SRGAP3: variants seen among roughly 807,000 people sequenced by gnomAD.
The protein encoded by SRGAP3 is SLIT-ROBO Rho GTPase activating protein 3, also known as SLIT-ROBO Rho GTPase-activating protein 3.
SRGAP3 carries 39 observed loss-of-function variants against 121.1 expected under a neutral mutation model. The ratio of observed to expected loss-of-function variants is 0.32; its 90% CI spans 0.25 to 0.42. The LOEUF is 0.42. SRGAP3 is among the 10% of genes least tolerant of loss of function. The probability of loss-of-function intolerance (pLI) is 1.00; values close to 1 mark genes in which losing one functional copy is unlikely to be tolerated. For missense variants in SRGAP3, 1,213 were observed against 1,470.6 expected, an observed-to-expected ratio of 0.82 and a Z score of 2.86; for synonymous variants, 601 against 570.0, an observed-to-expected ratio of 1.05 and a Z score of -0.77.
At position 9,072,133 on chromosome 3, in the gene SRGAP3, GC is replaced by G. The variant is rs1946751660; in HGVS notation, c.487-7553del. 4.6e-5 allele frequency among the ~76,000 whole-genome samples: 7 copies of G among 152,234 alleles called. No individual in the cohort carries two copies. In the East Asian group the frequency reaches 1.4e-3, roughly 29 times the overall value. On this transcript the variant is annotated intron_variant, in intron 4 of 21. Transcript: ENST00000383836. Reference sequence around the variant, plus strand: ...ATCAGTCCTGATCCCAACCGGCCAGGCTCAGTGCAGTGACTCAGGAGCAGTG... The same window carrying G: ...ATCAGTCCTGATCCCAACCGGCCAGGTCAGTGCAGTGACTCAGGAGCAGTG...
chr3:9,187,106 TC>T (rs1553688054), intron 1 of SRGAP3, among the ~76,000 whole-genome samples: 1 of 143,044 alleles, frequency 7.0e-6, no homozygotes, highest in South Asian at 2.3e-4. Context: ...ATGCTATCCC[TC>T]CCCCAGCCCC....
intron 4 of SRGAP3, among the ~76,000 whole-genome samples, chr3:9,069,058 C>T (rs1384519962): frequency 6.6e-6 from 1 of 152,194 alleles, no homozygotes; most frequent in Non-Finnish European, 1.5e-5. Flanking sequence ...AGGTGAAAAG[C>T]TGGTAAGTGG....
At chr3:9,248,296 T>A (rs903244162) in intron 1 of SRGAP3, among the ~76,000 whole-genome samples, 2 of 152,190 alleles carry the variant, frequency 1.3e-5, no homozygotes, top group Admixed American at 1.3e-4. Flanking sequence ...ATGCCTGCAT[T>A]AGTCTGGATC....
At chr3:9,277,030 C>A (rs1363978840) in intron 3 of SRGAP3, among the ~76,000 whole-genome samples, 2 of 152,340 alleles carry the variant, frequency 1.3e-5, no homozygotes, top group African/African-American at 4.8e-5. Flanking sequence ...AGTCACTTAA[C>A]CTCTGTGTGC....
Position 8,980,932 on chromosome 3 carries a change from GA to G in SRGAP3, c.*4586del. 1 of 233,556 alleles carries G rather than the reference GA, an allele frequency of 4.3e-6. No individual in the cohort carries two copies. 14.5% of individuals were successfully genotyped at this position (233,556 alleles called of 1,614,324 possible). Reference sequence around the variant, plus strand: ...ACTGCCGGGAACAAGGGCCTGGGCAGAAACCCTAGCCAGGATCTACTTCCGT... The same window carrying G: ...ACTGCCGGGAACAAGGGCCTGGGCAGAACCCTAGCCAGGATCTACTTCCGT... On this transcript the variant is annotated 3_prime_UTR_variant, in exon 22 of 22. Transcript: ENST00000383836.
At chr3:9,292,827 C>T (rs547230285) in intron 3 of SRGAP3, 1 of 152,184 alleles carries the variant, frequency 6.6e-6, no homozygotes, top group South Asian at 2.1e-4. Flanking sequence ...CTCTCTAAGA[C>T]CCTTGGGAGC....
rs1280467550 is a variant in SRGAP3 at position 9,025,356 on chromosome 3, A to G, written c.1601-18T>C. ...CTGGAGTCCTAAAAAAGAAACATACAGAAAAAGAAATAGTAAATCCACGAG... is the reference window on the plus strand; with the variant it reads ...CTGGAGTCCTAAAAAAGAAACATACGGAAAAAGAAATAGTAAATCCACGAG... On this transcript the variant is annotated intron_variant, in intron 13 of 21. Coordinates refer to ENST00000383836, the MANE Select transcript of SRGAP3 (RefSeq NM_014850.4). The G allele has an allele frequency of 1.3e-5, 21 of 1,613,628 alleles. No homozygotes were observed. The highest frequency in any genetic ancestry group is 1.8e-5 in the Non-Finnish European group (21 of 1,179,644).
Position 9,236,604 on chromosome 3 carries a change from T to C in SRGAP3, c.67+12281A>G, listed in dbSNP as rs573227612. Among the ~76,000 whole-genome samples the C allele has an allele frequency of 2.0e-5, 3 of 152,084 alleles. No individual in the cohort carries two copies. In the South Asian group the frequency reaches 6.3e-4, roughly 32 times the overall value. ...TCCCCCCCCCTCTTCTTCCTACTCCTGCCATGTAAGATGTGCCTGCTTCCC... is the reference window on the plus strand; with the variant it reads ...TCCCCCCCCCTCTTCTTCCTACTCCCGCCATGTAAGATGTGCCTGCTTCCC... On this transcript the variant is annotated intron_variant, in intron 1 of 21. Coordinates refer to ENST00000383836, the MANE Select transcript of SRGAP3 (RefSeq NM_014850.4).
At chr3:9,206,161 A>G (rs1952260084) in intron 1 of SRGAP3, among the ~76,000 whole-genome samples, 1 of 152,230 alleles carries the variant, frequency 6.6e-6, no homozygotes, top group African/African-American at 2.4e-5. Flanking sequence ...ATTTAAAATG[A>G]AGTAAATTTT....
At chr3:9,024,211 G>C (rs527658558) in intron 14 of SRGAP3, among the ~76,000 whole-genome samples, 28 of 152,168 alleles carry the variant, frequency 1.8e-4, no homozygotes, top group Non-Finnish European at 3.4e-4. Context: ...ACCACTCAGA[G>C]AAGAAGGCAG....
chr3:8,992,879 G>A, intron 20 of SRGAP3, 27 bp downstream of exon 20: 1 of 1,614,110 alleles, frequency 6.2e-7, no homozygotes, highest in Non-Finnish European at 8.5e-7. Context: ...GACACCAGCA[G>A]GGAAAAAATG....
intron 1 of SRGAP3, among the ~76,000 whole-genome samples, chr3:9,355,085 C>A (rs2030422630): frequency 6.6e-6 from 1 of 152,188 alleles, no homozygotes; most frequent in African/African-American, 2.4e-5. Context: ...TCGTTCTTGG[C>A]CATGCATCTG....
At chr3:9,101,064 T>C (rs1948196529) in intron 3 of SRGAP3, among the ~76,000 whole-genome samples, 1 of 152,234 alleles carries the variant, frequency 6.6e-6, no homozygotes, top group African/African-American at 2.4e-5. Flanking sequence ...GATCAGGACC[T>C]GTGAGTGAAA....
chr3:8,988,155 G>A (rs1405592968), intron 21 of SRGAP3, among the ~76,000 whole-genome samples: 3 of 152,288 alleles, frequency 2.0e-5, no homozygotes, highest in Non-Finnish European at 4.4e-5. Flanking sequence ...GCGGCAGAGA[G>A]GCCCTGGGAG....
At chr3:9,344,564 C>T (rs1955850508) in intron 1 of SRGAP3, among the ~76,000 whole-genome samples, 1 of 150,774 alleles carries the variant, frequency 6.6e-6, no homozygotes, top group African/African-American at 2.4e-5. Context: ...AGCCGGGAGG[C>T]GGAGGTTGCA....
chr3:9,066,303 G>A (rs1946427512), intron 4 of SRGAP3, among the ~76,000 whole-genome samples: 1 of 152,162 alleles, frequency 6.6e-6, no homozygotes, highest in Non-Finnish European at 1.5e-5. Flanking sequence ...CCTGGGCCTT[G>A]TTCATTCTCT....
At chr3:9,064,165 C>T (rs1252370676) in intron 5 of SRGAP3, among the ~76,000 whole-genome samples, 1 of 152,230 alleles carries the variant, frequency 6.6e-6, no homozygotes, top group Non-Finnish European at 1.5e-5. Context: ...CTGACCTTAG[C>T]ACTAAGCCAG....
At chr3:9,019,045 A>G (rs371359876) in intron 14 of SRGAP3, among the ~76,000 whole-genome samples, 42 of 152,292 alleles carry the variant, frequency 2.8e-4, no homozygotes, top group African/African-American at 1.0e-3. Flanking sequence ...TCCTCTATTT[A>G]TTATTTTTTT....
At chr3:9,127,412 G>A (rs1560213273) in intron 1 of SRGAP3, among the ~76,000 whole-genome samples, 1 of 152,174 alleles carries the variant, frequency 6.6e-6, no homozygotes, top group Non-Finnish European at 1.5e-5. Flanking sequence ...CAGAGGCCTA[G>A]GCAATATAAC....
Sources: allele counts gnomAD v4.1 joint callset (sites outside exome capture counted in the v4.1 genomes callset), GRCh38; gene constraint gnomAD v4.1.1; transcripts MANE v1.5; gene names NCBI Gene and HGNC (gene_info 2026-07-23, HGNC 2026-07-21).